Variants in EIF4E3 observed in about 807,000 individuals in gnomAD.
EIF4E3 encodes the protein eukaryotic translation initiation factor 4E type 3.
A neutral mutation model predicts 31.7 loss-of-function variants in EIF4E3; 26 were observed. That is an observed-to-expected ratio of 0.82 (90% CI 0.60 to 1.14). The LOEUF is 1.14. EIF4E3 is among the 50% of genes most tolerant of loss of function. EIF4E3 has a pLI of 0.00. For synonymous variants in EIF4E3, 128 were observed against 107.7 expected, an observed-to-expected ratio of 1.19 and a Z score of -1.17; for missense variants, 304 against 270.9, an observed-to-expected ratio of 1.12 and a Z score of -0.86.
At chr3:71,672,146 G>C (rs1416022162), downstream of EIF4E3, among the ~76,000 whole-genome samples, 2 of 152,064 alleles carry the variant, frequency 1.3e-5, no homozygotes, top group African/African-American at 2.4e-5. Context: ...CCCTGGACTT[G>C]GGGAGTTTCA....
chr3:71,752,455 C>A (rs1473214141), intron 1 of EIF4E3, among the ~76,000 whole-genome samples: 1 of 152,156 alleles, frequency 6.6e-6, no homozygotes. Flanking sequence ...TTAGCCTGAT[C>A]ATTAAGGCCC....
chr3:71,698,516 C>A (rs2049171225), intron 3 of EIF4E3, among the ~76,000 whole-genome samples: 1 of 152,198 alleles, frequency 6.6e-6, no homozygotes, highest in African/African-American at 2.4e-5. Flanking sequence ...GAGCCACTTG[C>A]CCCCTACTCT....
chr3:71,660,457 G>T, the EIF4E3 span, among the ~76,000 whole-genome samples: 4 of 152,188 alleles, frequency 2.6e-5, no homozygotes, highest in African/African-American at 4.8e-5. Flanking sequence ...AAGGCAAGTC[G>T]ATTGTAAAAG....
chr3:71,753,252 T>C (rs1224065909), intron 1 of EIF4E3, among the ~76,000 whole-genome samples: 4 of 152,202 alleles, frequency 2.6e-5, no homozygotes, highest in Admixed American at 6.5e-5. Flanking sequence ...CCCAGCACAC[T>C]GCCACCCACA....
At chr3:71,700,730 C>T (rs372336338) in intron 2 of EIF4E3, among the ~76,000 whole-genome samples, 2 of 152,056 alleles carry the variant, frequency 1.3e-5, no homozygotes, top group African/African-American at 4.8e-5. Flanking sequence ...CTACCTTAGA[C>T]ACTCTGTTTG....
chr3:71,702,640 T>C (rs1336048513), intron 2 of EIF4E3, among the ~76,000 whole-genome samples: 1 of 150,764 alleles, frequency 6.6e-6, no homozygotes, highest in Non-Finnish European at 1.5e-5. Flanking sequence ...AGACTTAACA[T>C]ATTCATTAAA....
chr3:71,707,133 CAGT>C (rs1360977278), intron 2 of EIF4E3, among the ~76,000 whole-genome samples: 3 of 152,164 alleles, frequency 2.0e-5, no homozygotes, highest in South Asian at 4.1e-4. Context: ...AAAGATATCT[CAGT>C]AGAAGTAGAC....
chr3:71,734,009 T>C (rs2049734827), intron 1 of EIF4E3, among the ~76,000 whole-genome samples: 1 of 152,226 alleles, frequency 6.6e-6, no homozygotes, highest in Non-Finnish European at 1.5e-5. Flanking sequence ...ATCTCTTTTG[T>C]TTTACCATCA....
At chr3:71,734,660 A>C (rs982229305) in intron 1 of EIF4E3, among the ~76,000 whole-genome samples, 1 of 152,164 alleles carries the variant, frequency 6.6e-6, no homozygotes, top group African/African-American at 2.4e-5. Flanking sequence ...CCACCCATAA[A>C]GGCAAGATAT....
intron 1 of EIF4E3, among the ~76,000 whole-genome samples, chr3:71,714,798 C>T (rs1424215889): frequency 6.6e-6 from 1 of 152,174 alleles, no homozygotes; most frequent in Non-Finnish European, 1.5e-5. Flanking sequence ...CTTAAAGTAG[C>T]AGTGCAAGCT....
In EIF4E3 at chr3:71,682,449, G is replaced by A. The variant is rs1411643974; in HGVS notation, c.*2233C>T. The A allele has an allele frequency of 6.6e-6, 1 of 152,138 alleles. No individual in the cohort carries two copies. Among genetic ancestry groups the A allele is most frequent in the Non-Finnish European group, 1.5e-5 (1 of 68,022 alleles). 9.4% of individuals were successfully genotyped at this position (152,138 alleles called of 1,614,324 possible). On this transcript the variant is annotated 3_prime_UTR_variant, in exon 7 of 7. Coordinates refer to ENST00000425534, the MANE Select transcript of EIF4E3 (RefSeq NM_001134651.2). Reference sequence around the variant, plus strand: ...AGTATTAGCTTCTTTAATCTAAGAAGGTAATGAGAGGTTTTTAAACTGATT... The same window carrying A: ...AGTATTAGCTTCTTTAATCTAAGAAAGTAATGAGAGGTTTTTAAACTGATT...
exon 1 of EIF4E3, chr3:71,753,476 C>G (rs1313729621): frequency 2.0e-5 from 3 of 151,966 alleles, no homozygotes; most frequent in Non-Finnish European, 4.4e-5. Flanking sequence ...GGGCCAAACG[C>G]GACTTGTCGC....
rs2048869035 is a variant in EIF4E3 at position 71,675,571 on chromosome 3, T to C, written c.*9111A>G. 6.6e-6 allele frequency: 1 copy of C among 152,168 alleles called. No individual in the cohort carries two copies. Among genetic ancestry groups the C allele is most frequent in the Admixed American group, 6.5e-5 (1 of 15,272 alleles). The allele number at this position is 152,168 out of a possible 1,614,324, so 9.4% of individuals were successfully genotyped here. On this transcript the variant is annotated 3_prime_UTR_variant, in exon 7 of 7. Coordinates refer to ENST00000425534, the MANE Select transcript of EIF4E3 (RefSeq NM_001134651.2). ...ACATGCATTTTTTCCACATAATATA[T>C]GGAATGAAGAAAAGATCATTGATTT...
At chr3:71,746,585 C>T (rs2049875338) in intron 1 of EIF4E3, among the ~76,000 whole-genome samples, 1 of 152,200 alleles carries the variant, frequency 6.6e-6, no homozygotes, top group Non-Finnish European at 1.5e-5. Context: ...ACTAGGAGTT[C>T]ATGTTACTTG....
chr3:71,688,800 C>A (rs2049026010), intron 6 of EIF4E3, among the ~76,000 whole-genome samples: 1 of 152,178 alleles, frequency 6.6e-6, no homozygotes, highest in Non-Finnish European at 1.5e-5. Context: ...CACCACGCAG[C>A]CAATAAGCAA....
chr3:71,711,483 G>A (rs888197641), intron 1 of EIF4E3, among the ~76,000 whole-genome samples: 2 of 152,240 alleles, frequency 1.3e-5, no homozygotes, highest in South Asian at 2.1e-4. Context: ...TCCCAGAGAC[G>A]TTGCCCCCAA....
chr3:71,740,950 C>T (rs548471407), intron 1 of EIF4E3, among the ~76,000 whole-genome samples: 2 of 152,092 alleles, frequency 1.3e-5, no homozygotes, highest in Admixed American at 6.5e-5. Context: ...TCCTGGCTAA[C>T]ATGGTGAAAC....
At chr3:71,660,545 G>A in the EIF4E3 span, among the ~76,000 whole-genome samples, 65 of 152,222 alleles carry the variant, frequency 4.3e-4, no homozygotes, top group African/African-American at 1.4e-3. Flanking sequence ...GTTAGCAGCC[G>A]AGGGATCCTT....
chr3:71,697,087 C>T (rs1034942055), intron 3 of EIF4E3, among the ~76,000 whole-genome samples: 3 of 152,102 alleles, frequency 2.0e-5, no homozygotes, highest in South Asian at 4.1e-4. Flanking sequence ...ATGATCGTAG[C>T]TCACTGTAGC....
Sources: allele counts gnomAD v4.1 joint callset (sites outside exome capture counted in the v4.1 genomes callset), GRCh38; gene constraint gnomAD v4.1.1; transcripts MANE v1.5; gene names NCBI Gene and HGNC (gene_info 2026-07-23, HGNC 2026-07-21).